Variants in DNAJC5B observed in about 807,000 individuals in gnomAD.
DNAJC5B encodes dnaJ homolog subfamily C member 5B.
In DNAJC5B, 23 loss-of-function variants were observed where a neutral mutation model predicts 24.7. The ratio of observed to expected loss-of-function variants is 0.93; its 90% CI spans 0.67 to 1.32. The LOEUF is 1.32. Among genes scored for constraint, DNAJC5B ranks in the 40% most tolerant of loss-of-function variants. DNAJC5B has a pLI of 0.00. For missense variants in DNAJC5B, 238 were observed against 240.8 expected (o/e 0.99, Z 0.08); for synonymous variants, 101 against 90.1 (o/e 1.12, Z -0.68).
intron 3 of DNAJC5B, among the ~76,000 whole-genome samples, chr8:66,074,148 C>T (rs1032865768): frequency 3.9e-5 from 6 of 152,064 alleles, no homozygotes; most frequent in South Asian, 4.2e-4. Context: ...AATATCCAAA[C>T]GGTATATATA....
At chr8:66,088,222 T>C (rs1479444586) in intron 5 of DNAJC5B, among the ~76,000 whole-genome samples, 2 of 152,220 alleles carry the variant, frequency 1.3e-5, no homozygotes, top group Non-Finnish European at 2.9e-5. Context: ...TAGCCTTAGC[T>C]GTACCTTGGC....
intron 3 of DNAJC5B, among the ~76,000 whole-genome samples, chr8:66,076,072 G>A (rs572086748): frequency 1.3e-5 from 2 of 152,276 alleles, no homozygotes; most frequent in African/African-American, 4.8e-5. Flanking sequence ...TTATTAAGTG[G>A]AAAACCCTAT....
At chr8:66,095,213 C>T (rs1045604975) in intron 5 of DNAJC5B, among the ~76,000 whole-genome samples, 8 of 152,002 alleles carry the variant, frequency 5.3e-5, no homozygotes, top group Non-Finnish European at 7.4e-5. Flanking sequence ...TCTGGGCTAG[C>T]ATGTAACTGT....
At chr8:66,058,106 C>T (rs1807005927) in intron 3 of DNAJC5B, 1 of 152,122 alleles carries the variant, frequency 6.6e-6, no homozygotes, top group African/African-American at 2.4e-5. Context: ...CTTTGTATTC[C>T]CTTAACAGTA....
chr8:66,067,249 C>T (rs1450317253), intron 3 of DNAJC5B, among the ~76,000 whole-genome samples: 1 of 129,192 alleles, frequency 7.7e-6, no homozygotes, highest in Non-Finnish European at 1.6e-5. Context: ...TAAAGAATTA[C>T]TGCTAACTGG....
At chr8:66,068,785 C>T (rs1563602561) in intron 3 of DNAJC5B, among the ~76,000 whole-genome samples, 1 of 152,070 alleles carries the variant, frequency 6.6e-6, no homozygotes, top group Non-Finnish European at 1.5e-5. Flanking sequence ...CCAGGCACAT[C>T]ACAGGAAAAC....
chr8:66,042,581 T>TTTC (rs930185861), intron 1 of DNAJC5B, among the ~76,000 whole-genome samples: 19 of 141,890 alleles, frequency 1.3e-4, no homozygotes, highest in Admixed American at 2.8e-4. Flanking sequence ...TTTGTTTGTG[T>TTTC]TTCTTCTTCT....
chr8:66,048,536 G>C (rs1020428163), intron 2 of DNAJC5B, among the ~76,000 whole-genome samples: 2 of 152,022 alleles, frequency 1.3e-5, no homozygotes, highest in Non-Finnish European at 2.9e-5. Flanking sequence ...CACATTATTG[G>C]GTAGGGCAGG....
chr8:66,079,744 A>G (rs1295043078), intron 4 of DNAJC5B, among the ~76,000 whole-genome samples: 3 of 152,212 alleles, frequency 2.0e-5, no homozygotes, highest in Admixed American at 6.5e-5. Context: ...AGCAATGCGC[A>G]GCATGGATTT....
chr8:66,056,076 T>A (rs1287510119), intron 3 of DNAJC5B, among the ~76,000 whole-genome samples: 1 of 152,020 alleles, frequency 6.6e-6, no homozygotes, highest in African/African-American at 2.4e-5. Context: ...AAAAGAGAAC[T>A]CTGAAAGGTA....
At chr8:66,051,435 A>T in intron 2 of DNAJC5B, 96 bp from the exon 3 acceptor site, 2 of 749,120 alleles carry the variant, frequency 2.7e-6, no homozygotes, top group South Asian at 3.5e-5. Flanking sequence ...TATTCTTCAA[A>T]TTGTCATTTT....
At chr8:66,054,988 C>T (rs1806933638) in intron 3 of DNAJC5B, among the ~76,000 whole-genome samples, 1 of 152,090 alleles carries the variant, frequency 6.6e-6, no homozygotes, top group Admixed American at 6.5e-5. Flanking sequence ...CATCCAACTT[C>T]CTTGTAATTT....
intron 1 of DNAJC5B, among the ~76,000 whole-genome samples, chr8:66,029,185 C>T (rs1423807161): frequency 6.6e-6 from 1 of 152,184 alleles, no homozygotes; most frequent in African/African-American, 2.4e-5. Flanking sequence ...ATTCTCCTGA[C>T]ATTTAAAAAA....
chr8:66,082,901 C>T (rs1807627943), intron 5 of DNAJC5B, among the ~76,000 whole-genome samples: 1 of 151,968 alleles, frequency 6.6e-6, no homozygotes, highest in South Asian at 2.1e-4. Flanking sequence ...CTGTCTGGCA[C>T]AGCTCTGCAA....
intron 1 of DNAJC5B, among the ~76,000 whole-genome samples, chr8:66,029,702 G>T (rs1233404549): frequency 1.3e-5 from 2 of 152,206 alleles, no homozygotes; most frequent in African/African-American, 4.8e-5. Flanking sequence ...ATTAGGCCTG[G>T]TTAATTGATC....
chr8:66,094,096 C>G (rs1807902175), intron 5 of DNAJC5B, among the ~76,000 whole-genome samples: 1 of 152,044 alleles, frequency 6.6e-6, no homozygotes, highest in Non-Finnish European at 1.5e-5. Context: ...TCCCTAATAT[C>G]TGTTTAAGCA....
At chr8:66,077,183 G>T (rs1807486215) in intron 4 of DNAJC5B, among the ~76,000 whole-genome samples, 1 of 152,180 alleles carries the variant, frequency 6.6e-6, no homozygotes, top group Non-Finnish European at 1.5e-5. Context: ...TAATTTATTA[G>T]TGTGACAACT....
At chr8:66,050,309 A>G (rs1806818233) in intron 2 of DNAJC5B, among the ~76,000 whole-genome samples, 1 of 152,198 alleles carries the variant, frequency 6.6e-6, no homozygotes, top group African/African-American at 2.4e-5. Context: ...AAAAATATGC[A>G]TGTACATTTG....
chr8:66,022,440 G>A (rs765018722), intron 1 of DNAJC5B, among the ~76,000 whole-genome samples: 18 of 152,284 alleles, frequency 1.2e-4, no homozygotes, highest in South Asian at 4.1e-4. Flanking sequence ...AGCACACTGC[G>A]ACCCCGGAGT....
Sources: gnomAD v4.1 joint callset for allele counts (sites outside exome capture counted in the v4.1 genomes callset) on GRCh38, gnomAD v4.1.1 for gene constraint, MANE v1.5 for transcripts, NCBI Gene and HGNC (gene_info 2026-07-23, HGNC 2026-07-21) for gene names.